HTR4: variants seen among roughly 807,000 people sequenced by gnomAD.
The protein encoded by HTR4 is 5-hydroxytryptamine receptor 4.
Under a neutral mutation model 36.8 loss-of-function variants are expected in HTR4, and 16 were observed. That is an observed-to-expected ratio of 0.43 (90% CI 0.29 to 0.66). The LOEUF (loss-of-function observed/expected upper bound fraction) is 0.66. Among genes scored for constraint, HTR4 ranks in the 30% least tolerant of loss-of-function variants. HTR4 has a pLI of 0.13. For synonymous variants in HTR4, 189 were observed against 185.1 expected (o/e 1.02, Z -0.17); for missense variants, 438 against 490.9 (o/e 0.89, Z 1.02).
At chr5:148,652,272 T>A (rs1053340667) in intron 1 of HTR4, among the ~76,000 whole-genome samples, 1 of 152,158 alleles carries the variant, frequency 6.6e-6, no homozygotes, top group African/African-American at 2.4e-5. Flanking sequence ...AAAACCTGCC[T>A]ATAGATGAAA....
intron 6 of HTR4, among the ~76,000 whole-genome samples, chr5:148,489,781 T>C (rs1756330458): frequency 6.6e-6 from 1 of 152,090 alleles, no homozygotes; most frequent in African/African-American, 2.4e-5. Flanking sequence ...GAACACCAGA[T>C]TGGATCAGGC....
intron 5 of HTR4, among the ~76,000 whole-genome samples, chr5:148,457,111 T>A (rs1033337862): frequency 6.6e-6 from 1 of 150,416 alleles, no homozygotes; most frequent in African/African-American, 2.4e-5. Context: ...GCATTATCTG[T>A]AAATGGCTTT....
At chr5:148,460,504 A>G (rs1044076112) in intron 5 of HTR4, among the ~76,000 whole-genome samples, 1 of 131,324 alleles carries the variant, frequency 7.6e-6, no homozygotes, top group East Asian at 1.9e-4. Flanking sequence ...TGTTGAGAGG[A>G]AAAAAAAATG....
intron 4 of HTR4, among the ~76,000 whole-genome samples, chr5:148,534,859 C>A (rs530904382): frequency 1.6e-4 from 24 of 152,214 alleles, no homozygotes; most frequent in African/African-American, 5.5e-4. Context: ...AAGGTCCCTT[C>A]CTCTGCTGCC....
At chr5:148,594,351 C>CGTGT (rs59165561) in intron 2 of HTR4, among the ~76,000 whole-genome samples, 20,240 of 148,556 alleles carry the variant, frequency 0.14, 1,537 homozygotes, top group African/African-American at 0.2. Flanking sequence ...TTCTGGGTTT[C>CGTGT]GTGTGTGTGT....
intron 1 of HTR4, among the ~76,000 whole-genome samples, chr5:148,639,574 A>C (rs1182365944): frequency 6.7e-6 from 1 of 148,248 alleles, no homozygotes; most frequent in East Asian, 2.0e-4. Context: ...CCCATTTTCT[A>C]AAAATGTCTA....
chr5:148,636,436 C>T (rs1461954746), intron 2 of HTR4, among the ~76,000 whole-genome samples: 1 of 152,046 alleles, frequency 6.6e-6, no homozygotes, highest in African/African-American at 2.4e-5. Flanking sequence ...GCAATCTTTT[C>T]GAAAAGAAAA....
chr5:148,644,434 T>TTTTTTTTTTTTTTTG (rs1753819534), intron 1 of HTR4, among the ~76,000 whole-genome samples: 1 of 140,966 alleles, frequency 7.1e-6, no homozygotes, highest in Admixed American at 7.1e-5. Flanking sequence ...TTTTTTTTTT[T>TTTTTTTTTTTTTTTG]TTTTTTTTTT....
chr5:148,523,347 C>T lies in HTR4; in HGVS notation c.354-1G>A. 1.2e-6 allele frequency: 2 copies of T among 1,605,200 alleles called. No individual in the cohort carries two copies. The highest frequency in any genetic ancestry group is 1.7e-6 in the Non-Finnish European group (2 of 1,176,702). The stretch of plus-strand genomic sequence containing the variant: ...AGGCTGGCAGCAGATGGCGTAATAC[C>T]TGGAGAGAGAATAGAGGGCAGAGCA... On this transcript the variant is annotated splice_acceptor_variant, in intron 4 of 6. Transcript: ENST00000377888. LOFTEE classifies it high-confidence loss of function.
At position 148,483,258 on chromosome 5, in the gene HTR4, T is replaced by G; in HGVS notation, c.1112A>C (p.Gln371Pro). 6.2e-7 allele frequency: 1 copy of G among 1,613,862 alleles called. No individual in the cohort carries two copies. Reference sequence around the variant, plus strand: ...AGGAGAAGTTGCTGGCGGGTGACACTGACTCTCCCACTGGCCACCACACTC... The same window carrying G: ...AGGAGAAGTTGCTGGCGGGTGACACGGACTCTCCCACTGGCCACCACACTC... ...AVECGGQWES[Q>P]CHPPATSPLV... The change falls in exon 7 of 7, where the codon CAG becomes CCG. Residue 371 changes from glutamine (Q) to proline (P), a missense_variant. Transcript: ENST00000377888.
intron 5 of HTR4, among the ~76,000 whole-genome samples, chr5:148,468,396 T>C (rs1755485339): frequency 6.6e-6 from 1 of 152,202 alleles, no homozygotes. Flanking sequence ...AACTCTTGGC[T>C]ACTTAAAATG....
At chr5:148,488,988 C>T (rs1756289300) in intron 6 of HTR4, among the ~76,000 whole-genome samples, 1 of 151,990 alleles carries the variant, frequency 6.6e-6, no homozygotes, top group South Asian at 2.1e-4. Flanking sequence ...CCTTTCATGA[C>T]TTTTTTCCAT....
At chr5:148,540,609 T>C (rs1043988361) in intron 4 of HTR4, among the ~76,000 whole-genome samples, 1 of 151,692 alleles carries the variant, frequency 6.6e-6, no homozygotes, top group Non-Finnish European at 1.5e-5. Flanking sequence ...ACCTTCAATA[T>C]ACAATGTGGA....
Position 148,548,670 on chromosome 5 carries a change from A to G in HTR4, c.351T>C (p.Asp117=), listed in dbSNP as rs199560045. Reference sequence around the variant, plus strand: ...TATGCACATTGTTCTGTCCTTACCTATCCAGAGAAATGCAGCACAGGTGAA... The same window carrying G: ...TATGCACATTGTTCTGTCCTTACCTGTCCAGAGAAATGCAGCACAGGTGAA... ...SIFHLCCISL[D]RYYAICCQPL... The change falls in exon 4 of 7, where the codon GAT becomes GAC. Residue 117 remains aspartate (D), a splice_region_variant and synonymous_variant. Transcript: ENST00000377888. 2.8e-5 allele frequency: 44 copies of G among 1,598,890 alleles called. No individual in the cohort carries two copies. In the South Asian group the frequency reaches 4.8e-4, roughly 18 times the overall value.
intron 6 of HTR4, among the ~76,000 whole-genome samples, chr5:148,488,816 T>A (rs1219455800): frequency 1.3e-5 from 2 of 152,174 alleles, no homozygotes; most frequent in African/African-American, 4.8e-5. Flanking sequence ...CTGGACAAAA[T>A]GTATTCCCAA....
intron 2 of HTR4, among the ~76,000 whole-genome samples, chr5:148,589,274 T>A (rs933324604): frequency 1.3e-5 from 2 of 152,220 alleles, no homozygotes; most frequent in Non-Finnish European, 2.9e-5. Context: ...TTCTGCTAAA[T>A]ACTTAGATGA....
At chr5:148,635,789 T>C (rs901537780) in intron 2 of HTR4, among the ~76,000 whole-genome samples, 3 of 152,120 alleles carry the variant, frequency 2.0e-5, no homozygotes, top group African/African-American at 7.2e-5. Flanking sequence ...TCACAAACTT[T>C]AGAGGAAAAT....
chr5:148,507,579 A>C (rs1284202890), intron 6 of HTR4, among the ~76,000 whole-genome samples: 1 of 65,964 alleles, frequency 1.5e-5, no homozygotes, highest in Non-Finnish European at 2.3e-5. Flanking sequence ...AGTTTCTTCA[A>C]AAAAAAAAAA....
At chr5:148,589,942 G>GC (rs1761494704) in intron 2 of HTR4, among the ~76,000 whole-genome samples, 1 of 152,036 alleles carries the variant, frequency 6.6e-6, no homozygotes. Flanking sequence ...TAGAACTCCA[G>GC]AAGTATTTAT....
Sources: gnomAD v4.1 joint callset for allele counts (sites outside exome capture counted in the v4.1 genomes callset) on GRCh38, gnomAD v4.1.1 for gene constraint, MANE v1.5 for transcripts, NCBI Gene and HGNC (gene_info 2026-07-23, HGNC 2026-07-21) for gene names.